The following SVOPL variants were observed in gnomAD, a reference collection of about 807,000 sequenced individuals.
SVOPL encodes the protein SVOP like, also known as putative transporter SVOPL.
In SVOPL, 60 loss-of-function variants were observed where a neutral mutation model predicts 61.0. The observed-to-expected ratio is 0.98, with a 90% CI of 0.80 to 1.22. The LOEUF (loss-of-function observed/expected upper bound fraction) is 1.22, where lower values mean the gene tolerates loss of function less well. SVOPL is among the 50% of genes most tolerant of loss of function. The probability of loss-of-function intolerance (pLI) is 0.00; values close to 1 mark genes in which losing one functional copy is unlikely to be tolerated. For missense variants in SVOPL, 662 were observed against 643.9 expected (o/e 1.03, Z -0.30); for synonymous variants, 279 against 250.0 (o/e 1.12, Z -1.09).
intron 7 of SVOPL, among the ~76,000 whole-genome samples, chr7:138,655,282 T>C (rs1388294775): frequency 1.3e-5 from 2 of 152,096 alleles, no homozygotes; most frequent in African/African-American, 4.8e-5. Context: ...GGCGGGTGGA[T>C]CACCTGAGGT....
intron 9 of SVOPL, among the ~76,000 whole-genome samples, chr7:138,638,708 A>G (rs1800626725): frequency 6.6e-6 from 1 of 152,198 alleles, no homozygotes; most frequent in Admixed American, 6.6e-5. Context: ...GGAGAAAGAA[A>G]AAACCAGTTA....
At chr7:138,671,499 C>G (rs1379737921) in intron 4 of SVOPL, among the ~76,000 whole-genome samples, 1 of 152,176 alleles carries the variant, frequency 6.6e-6, no homozygotes, top group African/African-American at 2.4e-5. Flanking sequence ...AGGCACCCAC[C>G]ACCACATCTT....
At chr7:138,689,382 C>T (rs916879315) in intron 1 of SVOPL, 34 of 1,538,132 alleles carry the variant, frequency 2.2e-5, no homozygotes, top group Admixed American at 1.7e-4. Flanking sequence ...AGCTTATGGT[C>T]GGATTTACCC....
intron 14 of SVOPL, among the ~76,000 whole-genome samples, chr7:138,620,718 A>G (rs1488080554): frequency 1.3e-5 from 2 of 152,112 alleles, no homozygotes; most frequent in African/African-American, 4.8e-5. Context: ...CAACAATTCT[A>G]ACTCAGGGTT....
At chr7:138,627,495 C>G (rs758890870) in intron 11 of SVOPL, 34 bp from the exon 12 acceptor site, 1 of 1,540,002 alleles carries the variant, frequency 6.5e-7, no homozygotes, top group Non-Finnish European at 9.0e-7. Flanking sequence ...ATTTCTGGAA[C>G]CTTGGAAGGC....
At chr7:138,596,743 GC>G (rs1464858164) in intron 14 of SVOPL, 2 of 1,228,448 alleles carry the variant, frequency 1.6e-6, no homozygotes, top group East Asian at 8.1e-5. Context: ...GTATTAACAC[GC>G]ATTGGCCAGG....
chr7:138,608,769 G>C (rs150065595), intron 14 of SVOPL, among the ~76,000 whole-genome samples: 3 of 152,244 alleles, frequency 2.0e-5, no homozygotes, highest in African/African-American at 4.8e-5. Flanking sequence ...TATAATCCTA[G>C]TTGCAGACTC....
chr7:138,615,560 C>CAAAAAAAAAAAAAAAAAAAAAAAAAAAAA (rs770404185), intron 14 of SVOPL, among the ~76,000 whole-genome samples: 1 of 5,526 alleles, frequency 1.8e-4, no homozygotes, highest in African/African-American at 3.3e-4. Context: ...ACTCCGTCTC[C>CAAAAAAAAAAAAAAAAAAAAAAAAAAAAA]AAAAAAAAAA....
At chr7:138,661,548 T>G in intron 5 of SVOPL, 1 of 985,380 alleles carries the variant, frequency 1.0e-6, no homozygotes, top group African/African-American at 1.7e-5. Flanking sequence ...CCCTGTAGTT[T>G]CCAGACTAGC....
intron 4 of SVOPL, among the ~76,000 whole-genome samples, chr7:138,668,026 C>A (rs929578444): frequency 6.6e-6 from 1 of 152,222 alleles, no homozygotes; most frequent in Non-Finnish European, 1.5e-5. Context: ...AGATTCTGAC[C>A]CTCCCTAAAC....
intron 14 of SVOPL, among the ~76,000 whole-genome samples, chr7:138,620,464 G>T (rs528362161): frequency 4.3e-5 from 4 of 93,306 alleles, no homozygotes; most frequent in African/African-American, 5.4e-5. Context: ...AAAAAAAAAA[G>T]ACTGACAAGT....
intron 13 of SVOPL, among the ~76,000 whole-genome samples, chr7:138,623,245 A>C (rs1799747490): frequency 6.6e-6 from 1 of 152,186 alleles, no homozygotes; most frequent in Admixed American, 6.5e-5. Flanking sequence ...AGTCATCTGG[A>C]AGATGGAATA....
intron 9 of SVOPL, among the ~76,000 whole-genome samples, chr7:138,636,231 AAAT>A (rs1391312609): frequency 1.3e-5 from 2 of 152,084 alleles, no homozygotes; most frequent in Non-Finnish European, 2.9e-5. Flanking sequence ...CCCGGCTGAA[AAAT>A]AATAATTTTT....
At chr7:138,658,702 C>A (rs1801862847) in intron 6 of SVOPL, among the ~76,000 whole-genome samples, 1 of 152,188 alleles carries the variant, frequency 6.6e-6, no homozygotes, top group Non-Finnish European at 1.5e-5. Context: ...TAGCACTCTG[C>A]TAGCCTCACC....
intron 1 of SVOPL, among the ~76,000 whole-genome samples, chr7:138,692,128 A>C (rs1010394592): frequency 6.6e-6 from 1 of 152,118 alleles, no homozygotes; most frequent in Admixed American, 6.6e-5. Flanking sequence ...GTGAGCTGAG[A>C]TCATGCCATT....
chr7:138,628,935 G>A (rs1043532981), intron 10 of SVOPL, among the ~76,000 whole-genome samples: 1 of 152,090 alleles, frequency 6.6e-6, no homozygotes, highest in African/African-American at 2.4e-5. Context: ...CACTTTGGGA[G>A]GCTAAGGCAG....
intron 6 of SVOPL, among the ~76,000 whole-genome samples, chr7:138,657,930 G>A (rs900799298): frequency 1.3e-5 from 2 of 152,278 alleles, no homozygotes; most frequent in South Asian, 4.2e-4. Context: ...GCCATTTAGG[G>A]TAATTTCTGG....
In SVOPL at chr7:138,630,124, TG is replaced by T; in HGVS notation, c.790-3del. On this transcript the variant is annotated splice_region_variant and splice_polypyrimidine_tract_variant and intron_variant, in intron 9 of 15. Coordinates refer to ENST00000674285, the MANE Select transcript of SVOPL (RefSeq NM_001139456.2). ...GTCTGCAAATCTTCCTCTTTTTTCC[TG>T]GGGTAATGAAAAGGAGACAGAACAT... 1 of 1,613,022 alleles carries T rather than the reference TG, an allele frequency of 6.2e-7. No homozygotes were observed.
intron 1 of SVOPL, among the ~76,000 whole-genome samples, chr7:138,687,768 T>C (rs888343341): frequency 2.7e-5 from 4 of 150,170 alleles, no homozygotes; most frequent in Admixed American, 6.6e-5. Flanking sequence ...CCAGAATATA[T>C]AAAGAACTCT....
Sources: gnomAD v4.1 joint callset for allele counts (sites outside exome capture counted in the v4.1 genomes callset) on GRCh38, gnomAD v4.1.1 for gene constraint, MANE v1.5 for transcripts, NCBI Gene and HGNC (gene_info 2026-07-23, HGNC 2026-07-21) for gene names.